The following MYO3A variants were observed in gnomAD, a reference collection of about 807,000 sequenced individuals.
The protein encoded by MYO3A is myosin-IIIa.
MYO3A carries 180 observed loss-of-function variants against 192.7 expected under a neutral mutation model. The observed-to-expected ratio is 0.93, with a 90% CI of 0.83 to 1.06. The LOEUF (loss-of-function observed/expected upper bound fraction) is 1.06, where lower values mean the gene tolerates loss of function less well. MYO3A is among the 50% of genes least tolerant of loss of function. The probability of loss-of-function intolerance (pLI) is 0.00; values close to 1 mark genes in which losing one functional copy is unlikely to be tolerated. For missense variants in MYO3A, 1,896 were observed against 1,905.0 expected (o/e 1.00, Z 0.09); for synonymous variants, 628 against 645.3 (o/e 0.97, Z 0.41).
intron 7 of MYO3A, among the ~76,000 whole-genome samples, chr10:26,020,876 A>G (rs1842264965): frequency 6.6e-6 from 1 of 152,176 alleles, no homozygotes. Context: ...ATGTTTTAAA[A>G]CTGGTTGCAG....
chr10:26,117,173 G>A (rs1218439530), intron 17 of MYO3A, among the ~76,000 whole-genome samples: 1 of 152,094 alleles, frequency 6.6e-6, no homozygotes, highest in African/African-American at 2.4e-5. Context: ...TCTGTATACA[G>A]CCAAGCCTCT....
intron 20 of MYO3A, among the ~76,000 whole-genome samples, chr10:26,136,601 C>T (rs148893785): frequency 6.6e-6 from 1 of 152,248 alleles, no homozygotes; most frequent in East Asian, 1.9e-4. Flanking sequence ...GGTGGTGTGT[C>T]AGAGGGAGTG....
intron 10 of MYO3A, among the ~76,000 whole-genome samples, chr10:26,032,324 T>C (rs1052766441): frequency 6.6e-6 from 1 of 152,106 alleles, no homozygotes; most frequent in Non-Finnish European, 1.5e-5. Flanking sequence ...CCAATCAGTG[T>C]TAAAAGTACC....
At chr10:26,149,360 G>A (rs187284585) in intron 23 of MYO3A, among the ~76,000 whole-genome samples, 25 of 152,038 alleles carry the variant, frequency 1.6e-4, no homozygotes, top group Admixed American at 2.6e-4. Context: ...CCAGCCTTCC[G>A]AGTAGCTGGG....
At chr10:26,066,574 A>C (rs533532446) in intron 10 of MYO3A, among the ~76,000 whole-genome samples, 1 of 152,338 alleles carries the variant, frequency 6.6e-6, no homozygotes, top group Non-Finnish European at 1.5e-5. Context: ...TTTGCTGAAT[A>C]GTAATTAAAA....
At chr10:26,010,239 A>G (rs1195076342) in intron 6 of MYO3A, among the ~76,000 whole-genome samples, 1 of 152,212 alleles carries the variant, frequency 6.6e-6, no homozygotes, top group African/African-American at 2.4e-5. Flanking sequence ...AATCACATGA[A>G]TATTGATTGG....
At chr10:25,985,420 A>T (rs565915663) in intron 4 of MYO3A, among the ~76,000 whole-genome samples, 196 of 152,218 alleles carry the variant, frequency 1.3e-3, no homozygotes, top group African/African-American at 4.4e-3. Flanking sequence ...AAAACAACAG[A>T]TAAATGAAAT....
rs115793438 is a variant in MYO3A at position 26,058,421 on chromosome 10, A to G, written c.954-8554A>G. ...ATCTTTGTTGCTTCCAGTTTTGGCA[A>G]TTATGAAAAAAGCTGCTATAAATAT... On this transcript the variant is annotated intron_variant, in intron 10 of 34. Coordinates refer to ENST00000642920, the MANE Select transcript of MYO3A (RefSeq NM_017433.5). Among the ~76,000 whole-genome samples the G allele has an allele frequency of 8.3e-3, 1,266 of 152,328 alleles. 15 individuals are homozygous for G. Among genetic ancestry groups the G allele is most frequent in the African/African-American group, 0.028 (1,147 of 41,576 alleles).
chr10:26,049,673 C>CTTTCT (rs1554813360), intron 10 of MYO3A, among the ~76,000 whole-genome samples: 14 of 69,108 alleles, frequency 2.0e-4, no homozygotes, highest in African/African-American at 7.3e-4. Context: ...TTCTTTCTTT[C>CTTTCT]TTTTTTTTTT....
rs201797823 is a variant in MYO3A at position 25,997,215 on chromosome 10, C to T, written c.465C>T (p.Asn155=). 1 of 1,613,562 alleles carries T rather than the reference C, an allele frequency of 6.2e-7. No individual in the cohort carries two copies. The highest frequency in any genetic ancestry group is 2.2e-5 in the East Asian group (1 of 44,754). Residue 155 remains asparagine, a synonymous_variant, in exon 6 of 35, where the codon AAC becomes AAT. Transcript: ENST00000642920. ...KTIHRDVKGN[N]ILLTTEGGVK... is the part of the protein sequence containing the mutation. ...TCCACAGAGATGTGAAAGGCAATAA[C>T]ATTCTATTGACCACGGAAGGTGGAG...
chr10:26,022,636 C>T (rs1337250449), intron 8 of MYO3A: 1 of 152,140 alleles, frequency 6.6e-6, no homozygotes, highest in Non-Finnish European at 1.5e-5. Flanking sequence ...TATACTAAAT[C>T]CAAGACATTT....
At chr10:25,982,680 A>G (rs1468432846) in intron 4 of MYO3A, among the ~76,000 whole-genome samples, 1 of 152,130 alleles carries the variant, frequency 6.6e-6, no homozygotes, top group African/African-American at 2.4e-5. Context: ...GTGGCTGGAA[A>G]CAGAAGAGCA....
chr10:26,167,279 C>G (rs1286988450), intron 27 of MYO3A, among the ~76,000 whole-genome samples: 2 of 151,092 alleles, frequency 1.3e-5, no homozygotes, highest in Non-Finnish European at 2.9e-5. Context: ...GAAACTATCC[C>G]TGTAACAATT....
chr10:25,984,816 G>A (rs1839547335), intron 4 of MYO3A, among the ~76,000 whole-genome samples: 2 of 152,158 alleles, frequency 1.3e-5, no homozygotes, highest in South Asian at 4.1e-4. Context: ...GGTCAACAAT[G>A]AAATCAAGAT....
intron 4 of MYO3A, among the ~76,000 whole-genome samples, chr10:25,995,966 A>G (rs914709111): frequency 1.3e-5 from 2 of 152,228 alleles, no homozygotes; most frequent in Non-Finnish European, 2.9e-5. Context: ...CCACTTGAGG[A>G]GGCAGTCTGT....
chr10:25,980,437 ATACT>A (rs1319479631), intron 4 of MYO3A, among the ~76,000 whole-genome samples: 1 of 152,164 alleles, frequency 6.6e-6, no homozygotes, highest in Non-Finnish European at 1.5e-5. Flanking sequence ...AATTCAATAA[ATACT>A]TGTTGATTTT....
intron 2 of MYO3A, among the ~76,000 whole-genome samples, chr10:25,945,266 A>G (rs1836763425): frequency 6.6e-6 from 1 of 152,120 alleles, no homozygotes; most frequent in African/African-American, 2.4e-5. Flanking sequence ...TAAATTCATT[A>G]AGGCTTGTAA....
intron 4 of MYO3A, among the ~76,000 whole-genome samples, chr10:25,959,414 C>T (rs1837777047): frequency 6.6e-6 from 1 of 152,110 alleles, no homozygotes; most frequent in Non-Finnish European, 1.5e-5. Context: ...TTAGTGGTGC[C>T]ACCTTCTCCT....
chr10:25,947,827 AGGCATG>A (rs1836954801), intron 2 of MYO3A, among the ~76,000 whole-genome samples: 1 of 152,218 alleles, frequency 6.6e-6, no homozygotes, highest in East Asian at 1.9e-4. Flanking sequence ...ACTATGTGTC[AGGCATG>A]GTTTTAAAGT....
Sources: allele counts gnomAD v4.1 joint callset (sites outside exome capture counted in the v4.1 genomes callset), GRCh38; gene constraint gnomAD v4.1.1; transcripts MANE v1.5; gene names NCBI Gene and HGNC (gene_info 2026-07-23, HGNC 2026-07-21).